The following MECOM variants were observed in gnomAD, a reference collection of about 807,000 sequenced individuals.
The protein encoded by MECOM is histone-lysine N-methyltransferase MECOM.
MECOM carries 13 observed loss-of-function variants against 116.3 expected under a neutral mutation model. The ratio of observed to expected loss-of-function variants is 0.11; its 90% CI spans 0.07 to 0.18. The LOEUF is 0.18. Among genes scored for constraint, MECOM ranks in the 10% least tolerant of loss-of-function variants. MECOM has a pLI of 1.00. For missense variants in MECOM, 1,299 were observed against 1,509.0 expected, an observed-to-expected ratio of 0.86 and a Z score of 2.31; for synonymous variants, 528 against 535.2, an observed-to-expected ratio of 0.99 and a Z score of 0.19.
intron 1 of MECOM, among the ~76,000 whole-genome samples, chr3:169,382,849 CAAAAAA>C (rs1157852145): frequency 6.4e-5 from 3 of 47,162 alleles, no homozygotes; most frequent in African/African-American, 2.7e-4. Flanking sequence ...AAGCCCATCT[CAAAAAA>C]AAAAAAAAAT....
At chr3:169,159,817 CAT>C (rs1742576816) in intron 2 of MECOM, among the ~76,000 whole-genome samples, 1 of 152,250 alleles carries the variant, frequency 6.6e-6, no homozygotes, top group Non-Finnish European at 1.5e-5. Flanking sequence ...TGGGGTGTGA[CAT>C]ATGTAAAGTT....
intron 1 of MECOM, among the ~76,000 whole-genome samples, chr3:169,433,679 A>AAGAAAGAAAGAAAG (rs1284612760): frequency 1.2e-4 from 17 of 146,762 alleles, no homozygotes; most frequent in African/African-American, 4.0e-4. Context: ...GAAAGAAAGA[A>AAGAAAGAAAGAAAG]AGAAAGAAAG....
At chr3:169,461,982 A>G (rs1176878747) in intron 1 of MECOM, among the ~76,000 whole-genome samples, 1 of 152,150 alleles carries the variant, frequency 6.6e-6, no homozygotes, top group Admixed American at 6.6e-5. Flanking sequence ...TTTGTTATAT[A>G]ACTTTGTTAT....
intron 1 of MECOM, among the ~76,000 whole-genome samples, chr3:169,658,323 C>A (rs908337107): frequency 1.3e-5 from 2 of 152,204 alleles, no homozygotes; most frequent in African/African-American, 4.8e-5. Flanking sequence ...CCCATCTCTT[C>A]CCCAAACTCA....
intron 2 of MECOM, among the ~76,000 whole-genome samples, chr3:169,354,773 T>C (rs1302552242): frequency 6.6e-6 from 1 of 151,182 alleles, no homozygotes; most frequent in Admixed American, 6.6e-5. Context: ...TGGGCATATG[T>C]TTGTTCAGTT....
chr3:169,628,366 AT>A (rs1384643293), intron 1 of MECOM, among the ~76,000 whole-genome samples: 1 of 152,130 alleles, frequency 6.6e-6, no homozygotes, highest in Non-Finnish European at 1.5e-5. Flanking sequence ...ATGGAAGGAA[AT>A]TTTTCAAATT....
chr3:169,388,083 TG>T (rs1733662747), intron 1 of MECOM, among the ~76,000 whole-genome samples: 1 of 151,954 alleles, frequency 6.6e-6, no homozygotes, highest in South Asian at 2.1e-4. Flanking sequence ...GCGGAGGATG[TG>T]TGCCCTGCTC....
chr3:169,241,086 T>C (rs982559860), intron 2 of MECOM, among the ~76,000 whole-genome samples: 2 of 152,164 alleles, frequency 1.3e-5, no homozygotes, highest in African/African-American at 4.8e-5. Context: ...TCAGATTCCT[T>C]CCTATCAGCA....
chr3:169,304,412 TG>T (rs531165887), intron 2 of MECOM, among the ~76,000 whole-genome samples: 55 of 152,344 alleles, frequency 3.6e-4, no homozygotes, highest in Non-Finnish European at 6.5e-4. Context: ...TATTGACCTC[TG>T]GTTGGAGCCA....
Position 169,543,358 on chromosome 3 carries a change from G to A in MECOM, c.37+119978C>T, listed in dbSNP as rs551399075. Among the ~76,000 whole-genome samples, 37 of 152,342 alleles carry A rather than the reference G, an allele frequency of 2.4e-4. 1 individual carries two copies. The South Asian group carries it at 4.3e-3, about 18-fold the overall frequency. On this transcript the variant is annotated intron_variant, in intron 1 of 16. Transcript: ENST00000651503. The stretch of plus-strand genomic sequence containing the variant: ...GGGAGGCCGAGGCAGAGGACGGCTT[G>A]AGGCTAGGAGTTCTAGACCAGGCCT...
At chr3:169,434,424 A>G (rs1431674611) in intron 1 of MECOM, among the ~76,000 whole-genome samples, 1 of 96,588 alleles carries the variant, frequency 1.0e-5, no homozygotes, top group East Asian at 1.1e-3. Flanking sequence ...AGGTAAAATG[A>G]TGTATAAAAA....
At chr3:169,345,519 G>A (rs1725202808) in intron 2 of MECOM, among the ~76,000 whole-genome samples, 2 of 151,934 alleles carry the variant, frequency 1.3e-5, no homozygotes, top group Non-Finnish European at 1.5e-5. Flanking sequence ...AGTTCTACTG[G>A]GTAGCAAAAA....
intron 1 of MECOM, among the ~76,000 whole-genome samples, chr3:169,410,477 T>A (rs1032774804): frequency 1.1e-4 from 17 of 152,306 alleles, no homozygotes; most frequent in African/African-American, 4.1e-4. Flanking sequence ...TGCCTTCTTA[T>A]AAGGAAGGAC....
intron 1 of MECOM, among the ~76,000 whole-genome samples, chr3:169,518,399 T>C (rs1033969965): frequency 6.6e-5 from 10 of 152,176 alleles, no homozygotes; most frequent in Non-Finnish European, 1.2e-4. Flanking sequence ...TAAAAATGCT[T>C]TTTAAAATAA....
chr3:169,514,566 C>T (rs888076288), intron 1 of MECOM, among the ~76,000 whole-genome samples: 1 of 152,164 alleles, frequency 6.6e-6, no homozygotes, highest in Non-Finnish European at 1.5e-5. Flanking sequence ...GCCTTGAATG[C>T]CAAAACCTTT....
At chr3:169,659,686 G>A (rs1199884246) in intron 1 of MECOM, among the ~76,000 whole-genome samples, 1 of 151,970 alleles carries the variant, frequency 6.6e-6, no homozygotes, top group Non-Finnish European at 1.5e-5. Flanking sequence ...GTTTTCATCT[G>A]AGTTTCTTAA....
intron 1 of MECOM, among the ~76,000 whole-genome samples, chr3:169,492,109 A>C (rs6783972): frequency 0.15 from 22,515 of 152,164 alleles, 1,949 homozygotes; most frequent in African/African-American, 0.23. Context: ...ATTCAGTTTC[A>C]TGGGGTCAGT....
intron 1 of MECOM, among the ~76,000 whole-genome samples, chr3:169,521,137 T>C (rs1407689664): frequency 6.6e-6 from 1 of 152,184 alleles, no homozygotes; most frequent in Non-Finnish European, 1.5e-5. Flanking sequence ...CAAAGACCAC[T>C]GTGGCAGAAC....
chr3:169,324,926 C>G (rs1721589356), intron 2 of MECOM, among the ~76,000 whole-genome samples: 1 of 152,156 alleles, frequency 6.6e-6, no homozygotes, highest in South Asian at 2.1e-4. Flanking sequence ...AAAATCAAAT[C>G]ACACCTGGTA....
Sources: gnomAD v4.1 joint callset for allele counts (sites outside exome capture counted in the v4.1 genomes callset) on GRCh38, gnomAD v4.1.1 for gene constraint, MANE v1.5 for transcripts, NCBI Gene and HGNC (gene_info 2026-07-23, HGNC 2026-07-21) for gene names.